Variants in BLM observed in about 807,000 individuals in gnomAD.
BLM encodes the protein BLM RecQ like helicase.
BLM carries 95 observed loss-of-function variants against 135.3 expected under a neutral mutation model. The ratio of observed to expected loss-of-function variants is 0.70; its 90% CI spans 0.59 to 0.83. The LOEUF is 0.83. BLM is among the 40% of genes least tolerant of loss of function. The pLI, the probability that BLM is intolerant of heterozygous loss-of-function variation, is 0.00. For missense variants in BLM, 1,518 were observed against 1,663.9 expected, an observed-to-expected ratio of 0.91 and a Z score of 1.53; for synonymous variants, 520 against 589.2, an observed-to-expected ratio of 0.88 and a Z score of 1.70.
At chr15:90,750,798 ATAAAT>A (rs1383484867) in intron 3 of BLM, among the ~76,000 whole-genome samples, 2 of 152,190 alleles carry the variant, frequency 1.3e-5, no homozygotes, top group African/African-American at 4.8e-5. Flanking sequence ...TGCTTAATTA[ATAAAT>A]TAAACTCTAT....
At chr15:90,783,588 T>C (rs1596250904) in intron 13 of BLM, among the ~76,000 whole-genome samples, 1 of 152,114 alleles carries the variant, frequency 6.6e-6, no homozygotes, top group African/African-American at 2.4e-5. Context: ...ATAATAAATA[T>C]AATATATGCT....
intron 12 of BLM, among the ~76,000 whole-genome samples, chr15:90,778,889 CT>C (rs60733714): frequency 0.012 from 1,633 of 134,972 alleles, 42 homozygotes; most frequent in African/African-American, 0.037. Flanking sequence ...TTAACCCTTT[CT>C]TTTTTTTTTT....
rs1596267777 is a variant in BLM at position 90,803,713 on chromosome 15, A to G, written c.3551A>G (p.Asn1184Ser). ...GNKAQTVLNG[N>S]LKVDFMETEN... ...AAAGCCCAAACTGTACTAAATGGCA[A>G]TTTAAAGGTATAGTATTTTTCATGT... is the stretch of plus-strand genomic sequence containing the variant. Residue 1184 changes from asparagine (N) to serine (S), a missense_variant, in exon 18 of 22, where the codon AAT (asparagine) becomes AGT (serine). By Grantham distance (46) the Asn-to-Ser change is conservative. Coordinates refer to ENST00000355112, the MANE Select transcript of BLM (RefSeq NM_000057.4). The G allele has an allele frequency of 2.5e-6, 4 of 1,613,990 alleles. No individual in the cohort carries two copies. Among genetic ancestry groups the G allele is most frequent in the Non-Finnish European group, 3.4e-6 (4 of 1,179,856 alleles).
chr15:90,790,858 C>T lies in BLM; in HGVS notation c.3019+14C>T. 1 of 1,606,818 alleles carries T rather than the reference C, an allele frequency of 6.2e-7. No individual in the cohort carries two copies. Among genetic ancestry groups the T allele is most frequent in the Non-Finnish European group, 8.5e-7 (1 of 1,173,620 alleles). ...GACTTATAATGAGTAAGCTGGGCTC[C>T]ATTGTAGAGACATTCTGTCATCTTC... is the stretch of plus-strand genomic sequence containing the variant. On this transcript the variant is annotated intron_variant, in intron 15 of 21. Transcript: ENST00000355112.
chr15:90,764,642 A>G, intron 8 of BLM, among the ~76,000 whole-genome samples: 1 of 152,190 alleles, frequency 6.6e-6, no homozygotes, highest in Non-Finnish European at 1.5e-5. Context: ...ATAAAAGTAA[A>G]TAAACATTAT....
intron 6 of BLM, 120 bp downstream of exon 6, chr15:90,760,399 C>T: frequency 7.2e-7 from 1 of 1,385,968 alleles, no homozygotes; most frequent in Non-Finnish European, 1.0e-6. Context: ...GGATGATCAT[C>T]ATGCCACTAT....
chr15:90,811,159 G>T, intron 20 of BLM, 46 bp from the exon 21 acceptor site: 1 of 1,598,694 alleles, frequency 6.3e-7, no homozygotes, highest in South Asian at 1.1e-5. Flanking sequence ...AAAACACGTG[G>T]ACCAGTGCGA....
In BLM at chr15:90,769,380, CT is replaced by C. The variant is rs1896232864; in HGVS notation, c.2407-53del. The C allele has an allele frequency of 1.8e-5, 29 of 1,604,692 alleles. No homozygotes were observed. In the South Asian group the frequency reaches 3.2e-4, roughly 18 times the overall value. On this transcript the variant is annotated intron_variant, in intron 11 of 21. Coordinates refer to ENST00000355112, the MANE Select transcript of BLM (RefSeq NM_000057.4). ...TTCTTAATACATTGAGCAGTGTTGG[CT>C]TTTTATAGAAGGAAGCTCCAAGTAG...
chr15:90,793,304 TTTGTATTCTTAGCAGAGACA>T (rs986737327), intron 15 of BLM, among the ~76,000 whole-genome samples: 2 of 151,918 alleles, frequency 1.3e-5, no homozygotes, highest in African/African-American at 4.8e-5. Flanking sequence ...CCAGCTAATT[TTTGTATTCTTAGCAGAGACA>T]GGGTTTTGCC....
chr15:90,787,478 A>T (rs900558609), intron 14 of BLM, among the ~76,000 whole-genome samples: 2 of 152,226 alleles, frequency 1.3e-5, no homozygotes, highest in African/African-American at 4.8e-5. Context: ...CTCAGGAAAA[A>T]GTATTTACTT....
At chr15:90,753,927 A>ATAAT (rs1370749594) in intron 4 of BLM, among the ~76,000 whole-genome samples, 9 of 152,218 alleles carry the variant, frequency 5.9e-5, no homozygotes, top group Non-Finnish European at 1.0e-4. Context: ...CTTTAATTAT[A>ATAAT]ATGTTATTGT....
At chr15:90,764,204 C>G (rs1417336529) in intron 8 of BLM, among the ~76,000 whole-genome samples, 1 of 149,404 alleles carries the variant, frequency 6.7e-6, no homozygotes, top group South Asian at 2.1e-4. Flanking sequence ...TCCTTCCACC[C>G]CAATTTCAAC....
intron 20 of BLM, among the ~76,000 whole-genome samples, chr15:90,809,549 T>C (rs1897359679): frequency 6.6e-6 from 1 of 152,150 alleles, no homozygotes; most frequent in Admixed American, 6.6e-5. Context: ...TGGGTACCAG[T>C]TCCAGATCTG....
chr15:90,731,993 T>A (rs1444625571), intron 1 of BLM, among the ~76,000 whole-genome samples: 1 of 152,154 alleles, frequency 6.6e-6, no homozygotes, highest in African/African-American at 2.4e-5. Flanking sequence ...AGCCAATGCG[T>A]CTGACCCTCT....
intron 16 of BLM, among the ~76,000 whole-genome samples, chr15:90,795,913 T>A (rs1247020436): frequency 6.6e-6 from 1 of 152,048 alleles, no homozygotes; most frequent in Non-Finnish European, 1.5e-5. Flanking sequence ...CTGAGGAAAA[T>A]CTTGAAGAAG....
At chr15:90,732,611 G>A (rs1293030672) in intron 1 of BLM, among the ~76,000 whole-genome samples, 1 of 149,832 alleles carries the variant, frequency 6.7e-6, no homozygotes, top group South Asian at 2.1e-4. Context: ...AAAAGGTAAG[G>A]CACTAGTCAG....
chr15:90,742,008 G>A lies in BLM; in HGVS notation c.-4-5381G>A, dbSNP rs753550048. ...AAAATGCATTGATAATACATACTGTGTGATTCTATATATATGAATCAAGAA... is the reference window on the plus strand; with the variant it reads ...AAAATGCATTGATAATACATACTGTATGATTCTATATATATGAATCAAGAA... On this transcript the variant is annotated intron_variant, in intron 1 of 21. Coordinates refer to ENST00000355112, the MANE Select transcript of BLM (RefSeq NM_000057.4). 6.1e-4 allele frequency among the ~76,000 whole-genome samples: 93 copies of A among 152,166 alleles called. 1 individual carries two copies. The highest frequency in any genetic ancestry group is 2.1e-3 in the African/African-American group (87 of 41,434).
At chr15:90,759,428 G>A (rs922290495) in intron 5 of BLM, among the ~76,000 whole-genome samples, 3 of 150,012 alleles carry the variant, frequency 2.0e-5, no homozygotes, top group Non-Finnish European at 3.0e-5. Flanking sequence ...AAAAAAAAAA[G>A]AAGAAGATGT....
chr15:90,799,626 T>TAAAAAAAAAAAAAAAAAAAAAA (rs10600094), intron 17 of BLM, among the ~76,000 whole-genome samples: 1 of 108,748 alleles, frequency 9.2e-6, no homozygotes, highest in African/African-American at 3.7e-5. Context: ...AAGATGCCTG[T>TAAAAAAAAAAAAAAAAAAAAAA]AAAAAAAAAA....
Sources: allele counts gnomAD v4.1 joint callset (sites outside exome capture counted in the v4.1 genomes callset), GRCh38; gene constraint gnomAD v4.1.1; transcripts MANE v1.5; gene names NCBI Gene and HGNC (gene_info 2026-07-23, HGNC 2026-07-21).